ENTREP2: variants seen among roughly 807,000 people sequenced by gnomAD.
The protein encoded by ENTREP2 is protein ENTREP2.
chr15:29,292,508 G>C, the ENTREP2 span, among the ~76,000 whole-genome samples: 1 of 152,038 alleles, frequency 6.6e-6, no homozygotes, highest in African/African-American at 2.4e-5. Context: ...AGCCTCCCGA[G>C]TAGCTAGGAT....
chr15:29,235,245 A>T, the ENTREP2 span: 2 of 521,894 alleles, frequency 3.8e-6, no homozygotes, highest in East Asian at 3.6e-5. Flanking sequence ...ATTTAAAAAA[A>T]TAAGGAAAGC....
the ENTREP2 span, among the ~76,000 whole-genome samples, chr15:29,313,842 T>A: frequency 6.6e-6 from 1 of 152,318 alleles, no homozygotes; most frequent in South Asian, 2.1e-4. Context: ...ATTGACAACC[T>A]TCTGGAAAGG....
At chr15:29,497,681 A>G in the ENTREP2 span, among the ~76,000 whole-genome samples, 1 of 151,876 alleles carries the variant, frequency 6.6e-6, no homozygotes, top group Admixed American at 6.6e-5. Context: ...TTTTTTCTTA[A>G]TCTAATTAAC....
chr15:29,332,172 T>C, the ENTREP2 span, among the ~76,000 whole-genome samples: 1 of 152,112 alleles, frequency 6.6e-6, no homozygotes, highest in African/African-American at 2.4e-5. Flanking sequence ...TCGAAGAAAG[T>C]TGTTAAATTT....
chr15:29,670,812 A>G, the ENTREP2 span, among the ~76,000 whole-genome samples: 1 of 152,162 alleles, frequency 6.6e-6, no homozygotes, highest in African/African-American at 2.4e-5. Context: ...ATGGTGATAC[A>G]ATAAGAAACA....
the ENTREP2 span, among the ~76,000 whole-genome samples, chr15:29,652,445 G>C: frequency 4.6e-5 from 7 of 152,230 alleles, no homozygotes; most frequent in Non-Finnish European, 1.0e-4. Flanking sequence ...GGTGCCAAAT[G>C]GCAAGTCTAG....
chr15:29,271,012 G>T, the ENTREP2 span, among the ~76,000 whole-genome samples: 1 of 152,198 alleles, frequency 6.6e-6, no homozygotes, highest in Non-Finnish European at 1.5e-5. Context: ...TTTGTTAATT[G>T]TTAGTAGCAT....
chr15:29,533,892 A>G, the ENTREP2 span, among the ~76,000 whole-genome samples: 243 of 152,172 alleles, frequency 1.6e-3, 3 homozygotes, highest in African/African-American at 5.5e-3. Flanking sequence ...GGCCCAAACA[A>G]TGAGAAACAG....
chr15:29,135,831 G>C, the ENTREP2 span, among the ~76,000 whole-genome samples: 6 of 152,302 alleles, frequency 3.9e-5, no homozygotes, highest in South Asian at 1.2e-3. The surrounding 1 kb of genome is among the most constrained non-coding windows in gnomAD (Gnocchi z 7.4). Context: ...CAGGACCAGG[G>C]ATCCAGGGCT....
At chr15:29,519,190 G>A in the ENTREP2 span, among the ~76,000 whole-genome samples, 1 of 150,852 alleles carries the variant, frequency 6.6e-6, no homozygotes, top group Non-Finnish European at 1.5e-5. Flanking sequence ...CACACACAGA[G>A]TAGATAAAAA....
chr15:29,129,883 T>G, the ENTREP2 span, among the ~76,000 whole-genome samples: 1 of 152,150 alleles, frequency 6.6e-6, no homozygotes, highest in Non-Finnish European at 1.5e-5. Context: ...CAGAAAACAA[T>G]TTTTTGAATC....
chr15:29,482,519 G>A, the ENTREP2 span, among the ~76,000 whole-genome samples: 2 of 151,982 alleles, frequency 1.3e-5, no homozygotes, highest in Non-Finnish European at 2.9e-5. Context: ...CCAAACCTCT[G>A]GCAACCACTG....
chr15:29,604,500 T>C, the ENTREP2 span, among the ~76,000 whole-genome samples: 407 of 152,342 alleles, frequency 2.7e-3, 2 homozygotes, highest in Non-Finnish European at 4.4e-3. Context: ...ATTCATAACA[T>C]ATTATACCAA....
chr15:29,485,185 G>A, the ENTREP2 span, among the ~76,000 whole-genome samples: 9 of 152,208 alleles, frequency 5.9e-5, no homozygotes, highest in East Asian at 9.6e-4. Flanking sequence ...TAAATGGTTC[G>A]CAGCAACCAA....
the ENTREP2 span, among the ~76,000 whole-genome samples, chr15:29,462,234 G>A: frequency 6.6e-6 from 1 of 152,136 alleles, no homozygotes; most frequent in African/African-American, 2.4e-5. Context: ...ATCTCTTTGA[G>A]CCTCTGCTTT....
At chr15:29,435,277 C>T in the ENTREP2 span, among the ~76,000 whole-genome samples, 7 of 152,026 alleles carry the variant, frequency 4.6e-5, no homozygotes, top group African/African-American at 9.7e-5. Context: ...CCACTGGCTC[C>T]GGGGTGGGAG....
At chr15:29,311,554 G>C in the ENTREP2 span, among the ~76,000 whole-genome samples, 2 of 152,126 alleles carry the variant, frequency 1.3e-5, no homozygotes, top group African/African-American at 4.8e-5. Flanking sequence ...GCAGGGTGTG[G>C]TGGTGCACAT....
At chr15:29,523,562 T>TA in the ENTREP2 span, among the ~76,000 whole-genome samples, 21 of 89,068 alleles carry the variant, frequency 2.4e-4, no homozygotes, top group Middle Eastern at 6.1e-3. Flanking sequence ...CCCAGCTAGA[T>TA]TTTTTTTTTT....
the ENTREP2 span, among the ~76,000 whole-genome samples, chr15:29,197,730 C>T: frequency 6.6e-5 from 10 of 150,712 alleles, no homozygotes; most frequent in Non-Finnish European, 1.5e-5. Flanking sequence ...CATGCCATTG[C>T]ACTCCAGCCT....
Sources: allele counts gnomAD v4.1 joint callset (sites outside exome capture counted in the v4.1 genomes callset), GRCh38; gene constraint gnomAD v4.1.1; non-coding constraint Gnocchi (gnomAD v3.1); transcripts MANE v1.5; gene names NCBI Gene and HGNC (gene_info 2026-07-23, HGNC 2026-07-21).